The following AGFG1 variants were observed in gnomAD, a reference collection of about 807,000 sequenced individuals.
The protein encoded by AGFG1 is ArfGAP with FG repeats 1.
In AGFG1, 10 loss-of-function variants were observed where a neutral mutation model predicts 60.6. The observed-to-expected ratio is 0.16, with a 90% confidence interval of 0.10 to 0.28. AGFG1 has a LOEUF of 0.28. Ranked by LOEUF, AGFG1 falls within the 10% of genes least tolerant of loss-of-function variation. The pLI is 1.00. For synonymous variants in AGFG1, 247 were observed against 242.9 expected, an observed-to-expected ratio of 1.02 and a Z score of -0.16; for missense variants, 537 against 676.5, an observed-to-expected ratio of 0.79 and a Z score of 2.29.
intron 10 of AGFG1, among the ~76,000 whole-genome samples, chr2:227,548,170 G>A (rs1280495712): frequency 7.6e-6 from 1 of 130,840 alleles, no homozygotes; most frequent in Admixed American, 8.2e-5. Flanking sequence ...CCAGGGGGTA[G>A]GGTTTTAGTA....
intron 2 of AGFG1, among the ~76,000 whole-genome samples, chr2:227,498,487 A>C (rs369375919): frequency 2.3e-4 from 35 of 152,214 alleles, no homozygotes; most frequent in Middle Eastern, 6.3e-3. Context: ...ATATTTATTT[A>C]GTGTCTGCAT....
rs1692696748 is a variant in AGFG1, at chr2:227,547,780, G to GC, written c.1379-4178dup. 3.9e-5 allele frequency among the ~76,000 whole-genome samples: 6 copies of GC among 152,274 alleles called. No homozygotes were observed. In the South Asian group the frequency reaches 1.2e-3, roughly 32 times the overall value. On this transcript the variant is annotated intron_variant, in intron 10 of 12. Transcript: ENST00000310078. ...GTACAACCCCTTGGAAAACATTTTG[G>GC]CAGTTCCTCAAAATGGTCATCATGG...
At chr2:227,492,721 C>T (rs1332517893) in intron 2 of AGFG1, among the ~76,000 whole-genome samples, 1 of 151,994 alleles carries the variant, frequency 6.6e-6, no homozygotes, top group African/African-American at 2.4e-5. Context: ...ATTTTGAAGT[C>T]TCCAGATTTT....
chr2:227,550,526 G>T (rs1048443818), intron 10 of AGFG1, among the ~76,000 whole-genome samples: 3 of 151,084 alleles, frequency 2.0e-5, no homozygotes, highest in Non-Finnish European at 3.0e-5. Context: ...AGTTACGTCG[G>T]TGCATTGTCG....
chr2:227,473,290 T>G (rs961158194), intron 1 of AGFG1, among the ~76,000 whole-genome samples: 3 of 152,152 alleles, frequency 2.0e-5, no homozygotes, highest in African/African-American at 7.2e-5. Context: ...GATTTGAAGC[T>G]GTGGGATTTT....
At chr2:227,532,248 G>T in intron 6 of AGFG1, 1 of 1,455,794 alleles carries the variant, frequency 6.9e-7, no homozygotes, top group Non-Finnish European at 9.3e-7. Context: ...ATACTAATTT[G>T]TATATTTTTG....
intron 10 of AGFG1, among the ~76,000 whole-genome samples, chr2:227,548,536 G>T (rs1468729562): frequency 1.3e-5 from 2 of 152,158 alleles, no homozygotes; most frequent in Non-Finnish European, 2.9e-5. Flanking sequence ...GCAAAATTCT[G>T]TGGAAAAGTG....
chr2:227,485,163 G>A (rs920502373), intron 1 of AGFG1, among the ~76,000 whole-genome samples: 5 of 151,446 alleles, frequency 3.3e-5, no homozygotes, highest in African/African-American at 4.9e-5. Flanking sequence ...AGTCTACTAC[G>A]AGCCAAATTT....
At chr2:227,544,827 C>G (rs1185888642) in intron 10 of AGFG1, among the ~76,000 whole-genome samples, 1 of 152,042 alleles carries the variant, frequency 6.6e-6, no homozygotes, top group Non-Finnish European at 1.5e-5. Context: ...TGAGAGATCC[C>G]CTGTTAGTCT....
chr2:227,496,111 A>AG, intron 2 of AGFG1, among the ~76,000 whole-genome samples: 1 of 100,056 alleles, frequency 1.0e-5, no homozygotes, highest in Non-Finnish European at 2.0e-5. Context: ...AGACTGTCTC[A>AG]AAAAAAAAAA....
chr2:227,480,591 CT>C (rs11350446), intron 1 of AGFG1, among the ~76,000 whole-genome samples: 87,172 of 145,660 alleles, frequency 0.6, 25,651 homozygotes, highest in South Asian at 0.69. Flanking sequence ...GCATCAGCTA[CT>C]TTTTTTTTTT....
chr2:227,512,735 A>G (rs972983286), intron 2 of AGFG1, among the ~76,000 whole-genome samples: 1 of 152,136 alleles, frequency 6.6e-6, no homozygotes, highest in Non-Finnish European at 1.5e-5. Context: ...TTGTTCATCA[A>G]ATTTTCAGTT....
chr2:227,515,980 G>A (rs1377717809), intron 2 of AGFG1, among the ~76,000 whole-genome samples: 1 of 152,168 alleles, frequency 6.6e-6, no homozygotes, highest in African/African-American at 2.4e-5. Flanking sequence ...AACACTGTCT[G>A]TGTTAAATGA....
intron 1 of AGFG1, among the ~76,000 whole-genome samples, chr2:227,476,762 T>C (rs1464700185): frequency 2.0e-5 from 3 of 152,212 alleles, no homozygotes; most frequent in African/African-American, 7.2e-5. Context: ...GTGTATAATA[T>C]TCAGGACCTT....
In AGFG1 at chr2:227,560,505, A is replaced by G. The variant is rs1171640677; in HGVS notation, c.*6010A>G. On this transcript the variant is annotated 3_prime_UTR_variant, in exon 13 of 13. Transcript: ENST00000310078. ...AACTGTTAAGACAGTCCATTGAAAGATTGTGGAAGTTCACATCTATTTTGC... is the reference window on the plus strand; with the variant it reads ...AACTGTTAAGACAGTCCATTGAAAGGTTGTGGAAGTTCACATCTATTTTGC... The G allele has an allele frequency of 6.6e-6, 1 of 152,130 alleles. No homozygotes were observed. Among genetic ancestry groups the G allele is most frequent in the African/African-American group, 2.4e-5 (1 of 41,460 alleles). 9.4% of individuals were successfully genotyped at this position (152,130 alleles called of 1,614,324 possible). A position where few individuals can be genotyped will look rare whatever the true frequency, so the allele number is the denominator to read the frequency against.
chr2:227,513,288 C>G (rs1691547918), intron 2 of AGFG1, among the ~76,000 whole-genome samples: 1 of 152,208 alleles, frequency 6.6e-6, no homozygotes, highest in Admixed American at 6.5e-5. Flanking sequence ...ATCTGCACTT[C>G]TCACTCCAGT....
At chr2:227,515,072 C>T (rs1026170659) in intron 2 of AGFG1, among the ~76,000 whole-genome samples, 4 of 152,024 alleles carry the variant, frequency 2.6e-5, no homozygotes, top group Non-Finnish European at 5.9e-5. Flanking sequence ...ACACATGCAC[C>T]ACCATGCTCA....
Position 227,489,342 on chromosome 2 carries a change from T to TGCCTC in AGFG1, c.168-2204_168-2200dup, listed in dbSNP as rs1690732991. 4.8e-5 allele frequency among the ~76,000 whole-genome samples: 7 copies of TGCCTC among 146,750 alleles called. No individual in the cohort carries two copies. The Admixed American group carries it at 4.9e-4, about 10-fold the overall frequency. The stretch of plus-strand genomic sequence containing the variant: ...GCCTCCTGGGGTCAAGCGATTCTCC[T>TGCCTC]GCCTCAGCCTCCTAAGTAGCTGGCA... On this transcript the variant is annotated intron_variant, in intron 1 of 12. Coordinates refer to ENST00000310078, the MANE Select transcript of AGFG1 (RefSeq NM_004504.5).
At chr2:227,517,368 C>T (rs1691684523) in intron 2 of AGFG1, among the ~76,000 whole-genome samples, 1 of 152,180 alleles carries the variant, frequency 6.6e-6, no homozygotes, top group Non-Finnish European at 1.5e-5. Context: ...CGGGTTCAAG[C>T]GATTCTCCTG....
Sources: gnomAD v4.1 joint callset for allele counts (sites outside exome capture counted in the v4.1 genomes callset) on GRCh38, gnomAD v4.1.1 for gene constraint, MANE v1.5 for transcripts, NCBI Gene and HGNC (gene_info 2026-07-23, HGNC 2026-07-21) for gene names.